Variants in ZCCHC2 observed in about 807,000 individuals in gnomAD.
ZCCHC2 encodes the protein zinc finger CCHC-type containing 2, also known as zinc finger CCHC domain-containing protein 2.
Under a neutral mutation model 103.6 loss-of-function variants are expected in ZCCHC2, and 39 were observed. That is an observed-to-expected ratio of 0.38 (90% confidence interval 0.29 to 0.49). The LOEUF is 0.49. Among genes scored for constraint, ZCCHC2 ranks in the 20% least tolerant of loss-of-function variants. The probability of loss-of-function intolerance (pLI) is 0.96; values close to 1 mark genes in which losing one functional copy is unlikely to be tolerated. For missense variants in ZCCHC2, 1,483 were observed against 1,491.0 expected (o/e 0.99, Z 0.09); for synonymous variants, 687 against 608.9 (o/e 1.13, Z -1.89).
At chr18:62,582,971 G>A (rs1297280673), downstream of ZCCHC2, among the ~76,000 whole-genome samples, 1 of 152,116 alleles carries the variant, frequency 6.6e-6, no homozygotes, top group African/African-American at 2.4e-5. Flanking sequence ...GGTCCTGGTG[G>A]TCTATGCCTG....
At chr18:62,560,736 T>C (rs908686503) in intron 8 of ZCCHC2, 92 bp downstream of exon 8, 2 of 1,011,104 alleles carry the variant, frequency 2.0e-6, no homozygotes, top group Non-Finnish European at 2.9e-6. Flanking sequence ...TTGGCTATAA[T>C]TCTGTCATTT....
chr18:62,524,610 C>T (rs1914266739), intron 1 of ZCCHC2: 1 of 511,894 alleles, frequency 2.0e-6, no homozygotes, highest in Non-Finnish European at 3.2e-6. Context: ...TCTAGAAGTC[C>T]CTTCCGTGCC....
At position 62,576,553 on chromosome 18, in the gene ZCCHC2, A is replaced by G. The variant is rs769634476; in HGVS notation, c.3511A>G (p.Asn1171Asp). The G allele has an allele frequency of 1.2e-6, 2 of 1,613,738 alleles. No homozygotes were observed. The highest frequency in any genetic ancestry group is 1.1e-5 in the South Asian group (1 of 91,024). The change falls in exon 14 of 14, where the codon AAT (asparagine) becomes GAT (aspartate). Residue 1171 changes from asparagine to aspartate, a missense_variant. Coordinates refer to ENST00000269499, the MANE Select transcript of ZCCHC2 (RefSeq NM_017742.6). ...ATACGCACCTCCCCTCCCCCCTTCT[A>G]ATGATACGTTGGATTCTGCAGACTG... ...LRYAPPLPPSNDTLDSAD is the reference protein window; with the variant it reads ...LRYAPPLPPSDDTLDSAD
chr18:62,577,850 T>G lies in ZCCHC2; in HGVS notation c.*1271T>G, dbSNP rs1482410331. The G allele has an allele frequency of 6.6e-6, 1 of 152,564 alleles. No homozygotes were observed. The highest frequency in any genetic ancestry group is 1.5e-5 in the Non-Finnish European group (1 of 68,032). 9.5% of individuals were successfully genotyped at this position (152,564 alleles called of 1,614,324 possible). ...AAGTGCACTGAGGTTATCTGGAAGA[T>G]TGGGTGTATTTTTTGGTGACTGCTG... On this transcript the variant is annotated 3_prime_UTR_variant, in exon 14 of 14. Coordinates refer to ENST00000269499, the MANE Select transcript of ZCCHC2 (RefSeq NM_017742.6).
rs895555054 is a variant in ZCCHC2, at chr18:62,573,303, A to G, written c.1976-754A>G. 2.0e-5 allele frequency among the ~76,000 whole-genome samples: 3 copies of G among 152,122 alleles called. No homozygotes were observed. In the East Asian group the frequency reaches 5.8e-4, roughly 29 times the overall value. On this transcript the variant is annotated intron_variant, in intron 12 of 13. Coordinates refer to ENST00000269499, the MANE Select transcript of ZCCHC2 (RefSeq NM_017742.6). ...ATCAGATTTTATCCTTGTCCCCTTT[A>G]TACCAAAAGTCAGGACATCCCCTGA... is the stretch of plus-strand genomic sequence containing the variant.
At chr18:62,556,426 A>G (rs1915887280) in intron 6 of ZCCHC2, 129 bp downstream of exon 6, 2 of 696,220 alleles carry the variant, frequency 2.9e-6, no homozygotes, top group Non-Finnish European at 4.6e-6. Flanking sequence ...TTTTAATGTC[A>G]TTTTTAATGA....
In ZCCHC2 at chr18:62,563,134, C is replaced by G; in HGVS notation, c.1676C>G (p.Ser559Trp). 6.2e-7 allele frequency: 1 copy of G among 1,612,944 alleles called. No individual in the cohort carries two copies. The highest frequency in any genetic ancestry group is 1.1e-5 in the South Asian group (1 of 91,018). ...TIQHPEHCVTSADQHSAEKRS... is the reference protein window; with the variant it reads ...TIQHPEHCVTWADQHSAEKRS... ...CAACACCCAGAGCACTGTGTGACCT[C>G]GGCTGACCAGGTGTGTGGGGAGTTT... Residue 559 changes from serine (S) to tryptophan (W), a missense_variant, in exon 9 of 14, where the codon TCG becomes TGG. Physicochemically the swap from Ser to Trp is radical, Grantham distance 177. Coordinates refer to ENST00000269499, the MANE Select transcript of ZCCHC2 (RefSeq NM_017742.6).
chr18:62,573,975 G>C (rs1916694754), intron 12 of ZCCHC2, 82 bp from the exon 13 acceptor site: 1 of 1,373,692 alleles, frequency 7.3e-7, no homozygotes, highest in African/African-American at 1.5e-5. Context: ...GAGTTACTTT[G>C]AGGTATACTC....
At chr18:62,558,565 A>G in intron 6 of ZCCHC2, 122 bp from the exon 7 acceptor site, 1 of 552,944 alleles carries the variant, frequency 1.8e-6, no homozygotes, top group Non-Finnish European at 3.1e-6. Context: ...TCTCACTAGT[A>G]GCCATGTTTT....
At chr18:62,582,690 A>G (rs1568563767), downstream of ZCCHC2, among the ~76,000 whole-genome samples, 1 of 152,120 alleles carries the variant, frequency 6.6e-6, no homozygotes, top group Non-Finnish European at 1.5e-5. Flanking sequence ...TAAATAAATA[A>G]TGGCTCTGAA....
chr18:62,575,594 A>G, intron 13 of ZCCHC2, 44 bp downstream of exon 13: 1 of 1,573,754 alleles, frequency 6.4e-7, no homozygotes, highest in Non-Finnish European at 8.7e-7. Context: ...GAGTTCACTC[A>G]TTTCTCCTTC....
In ZCCHC2 at chr18:62,574,820, A is replaced by T. The variant is rs1018413686; in HGVS notation, c.2739A>T (p.Pro913=). The change falls in exon 13 of 14, where the codon CCA becomes CCT. Residue 913 remains proline, a synonymous_variant. Transcript: ENST00000269499. ...PAAGLSAAQP[P]ASYPLPGSPL... is the part of the protein sequence containing the mutation. ...CTGGCCTCTCAGCTGCTCAGCCACC[A>T]GCTTCCTACCCCTTACCAGGCTCTC... The T allele has an allele frequency of 6.2e-7, 1 of 1,613,968 alleles. No homozygotes were observed. The highest frequency in any genetic ancestry group is 1.7e-5 in the Admixed American group (1 of 60,014).
chr18:62,563,078 G>C lies in ZCCHC2; in HGVS notation c.1620G>C (p.Val540=). 1.2e-6 allele frequency: 2 copies of C among 1,613,928 alleles called. No individual in the cohort carries two copies. Among genetic ancestry groups the C allele is most frequent in the Non-Finnish European group, 1.7e-6 (2 of 1,179,834 alleles). Reference sequence around the variant, plus strand: ...AATATTCTGAACAGAATGGAATTGTGGATTGGAGGAAGCAAAGCTGTACCA... The same window carrying C: ...AATATTCTGAACAGAATGGAATTGTCGATTGGAGGAAGCAAAGCTGTACCA... ...TMQYSEQNGI[V]DWRKQSCTTI... Residue 540 remains valine (V), a synonymous_variant, in exon 9 of 14, where the codon GTG becomes GTC. Transcript: ENST00000269499.
intron 1 of ZCCHC2, among the ~76,000 whole-genome samples, chr18:62,533,583 G>A (rs1014623765): frequency 5.9e-5 from 9 of 151,478 alleles, no homozygotes; most frequent in African/African-American, 1.5e-4. Context: ...TAAGTATATC[G>A]AGGCTGGGCA....
rs1325133198 is a variant in ZCCHC2, at chr18:62,567,937, T to A, written c.1847-2166T>A. ...TCCAGCCGGGGCGACAGAATGAGAC[T>A]CTGTCTCAAAAAAAAAAAAAAAGAA... On this transcript the variant is annotated intron_variant, in intron 11 of 13. Coordinates refer to ENST00000269499, the MANE Select transcript of ZCCHC2 (RefSeq NM_017742.6). 3.3e-4 allele frequency among the ~76,000 whole-genome samples: 4 copies of A among 12,118 alleles called. No individual in the cohort carries two copies. The Admixed American group carries it at 4.0e-3, about 12-fold the overall frequency. The allele number at this position is 12,118 out of a possible 152,430, so 7.9% of individuals were successfully genotyped here. A position where few individuals can be genotyped will look rare whatever the true frequency, so the allele number is the denominator to read the frequency against.
At chr18:62,567,944 CAA>C (rs71888422) in intron 11 of ZCCHC2, among the ~76,000 whole-genome samples, 5 of 81,400 alleles carry the variant, frequency 6.1e-5, no homozygotes, top group East Asian at 5.4e-4. Context: ...GACTCTGTCT[CAA>C]AAAAAAAAAA....
chr18:62,552,240 T>C (rs1915696560), intron 5 of ZCCHC2: 1 of 152,222 alleles, frequency 6.6e-6, no homozygotes. Context: ...GGCACCAGCT[T>C]GGTCTGGAAG....
rs192098741 is a variant in ZCCHC2 at position 62,568,663 on chromosome 18, T to A, written c.1847-1440T>A. Among the ~76,000 whole-genome samples the A allele has an allele frequency of 1.8e-4, 28 of 152,326 alleles. 2 individuals carry two copies. In the East Asian group the frequency reaches 3.5e-3, roughly 19 times the overall value. The stretch of plus-strand genomic sequence containing the variant: ...CTTTGAACTATAGTCTACTGTAGTT[T>A]CACTGTCTGCATCATTTTGATGAAC... On this transcript the variant is annotated intron_variant, in intron 11 of 13. Transcript: ENST00000269499.
chr18:62,527,589 C>A (rs1243199348), intron 1 of ZCCHC2, among the ~76,000 whole-genome samples: 2 of 152,148 alleles, frequency 1.3e-5, no homozygotes, highest in Non-Finnish European at 2.9e-5. Flanking sequence ...TTTTAGGAGG[C>A]TTGTACATAA....
Sources: allele counts gnomAD v4.1 joint callset (sites outside exome capture counted in the v4.1 genomes callset), GRCh38; gene constraint gnomAD v4.1.1; transcripts MANE v1.5; gene names NCBI Gene and HGNC (gene_info 2026-07-23, HGNC 2026-07-21).